Variants in EFCAB11 observed in about 807,000 individuals in gnomAD.
The protein encoded by EFCAB11 is EF-hand calcium binding domain 11.
A neutral mutation model predicts 23.0 loss-of-function variants in EFCAB11; 14 were observed. That is an observed-to-expected ratio of 0.61 (90% CI 0.40 to 0.95). The LOEUF (loss-of-function observed/expected upper bound fraction) is 0.95, where lower values mean the gene tolerates loss of function less well. Among genes scored for constraint, EFCAB11 ranks in the 40% least tolerant of loss-of-function variants. The probability of loss-of-function intolerance (pLI) is 0.00; values close to 1 mark genes in which losing one functional copy is unlikely to be tolerated. For synonymous variants in EFCAB11, 65 were observed against 66.6 expected, an observed-to-expected ratio of 0.98 and a Z score of 0.11; for missense variants, 198 against 195.8, an observed-to-expected ratio of 1.01 and a Z score of -0.07.
chr14:89,928,268 A>G (rs970686949), intron 5 of EFCAB11, among the ~76,000 whole-genome samples: 9 of 152,222 alleles, frequency 5.9e-5, no homozygotes, highest in African/African-American at 2.2e-4. Flanking sequence ...GTACATGGTT[A>G]AAGTATAGAA....
chr14:89,824,120 A>C (rs1483225184), intron 5 of EFCAB11, among the ~76,000 whole-genome samples: 1 of 152,184 alleles, frequency 6.6e-6, no homozygotes, highest in Non-Finnish European at 1.5e-5. Flanking sequence ...ACACTATAAA[A>C]AACAACACCA....
intron 5 of EFCAB11, among the ~76,000 whole-genome samples, chr14:89,903,954 A>G (rs7146836): frequency 0.057 from 8,683 of 152,110 alleles, 443 homozygotes; most frequent in African/African-American, 0.13. Context: ...GTTCCTCTAG[A>G]GAACCCTAAC....
At chr14:89,814,323 T>C (rs1443402095) in intron 5 of EFCAB11, among the ~76,000 whole-genome samples, 1 of 152,142 alleles carries the variant, frequency 6.6e-6, no homozygotes, top group African/African-American at 2.4e-5. Flanking sequence ...GACAAAGGGC[T>C]CTACTGACCT....
At chr14:89,824,699 A>G (rs557464750) in intron 5 of EFCAB11, among the ~76,000 whole-genome samples, 1 of 152,294 alleles carries the variant, frequency 6.6e-6, no homozygotes, top group East Asian at 1.9e-4. Flanking sequence ...AATGATAATC[A>G]CAGCAAAGAA....
chr14:89,888,864 G>C (rs1316736964), intron 5 of EFCAB11, among the ~76,000 whole-genome samples: 2 of 152,184 alleles, frequency 1.3e-5, no homozygotes, highest in African/African-American at 4.8e-5. Context: ...AGCCCAAATG[G>C]ACTAAGACAG....
At chr14:89,920,484 T>C (rs532660973) in intron 5 of EFCAB11, among the ~76,000 whole-genome samples, 7 of 152,300 alleles carry the variant, frequency 4.6e-5, no homozygotes, top group South Asian at 2.1e-4. Context: ...AAAGGCAGCC[T>C]CCTTCGGTTT....
intron 5 of EFCAB11, among the ~76,000 whole-genome samples, chr14:89,885,461 G>A (rs1888724494): frequency 6.6e-6 from 1 of 152,034 alleles, no homozygotes; most frequent in Admixed American, 6.6e-5. Flanking sequence ...GGTGGATTAC[G>A]AGATCAGGAG....
At chr14:89,835,632 G>GTGTGTA (rs1430684716) in intron 5 of EFCAB11, among the ~76,000 whole-genome samples, 2 of 148,756 alleles carry the variant, frequency 1.3e-5, no homozygotes, top group African/African-American at 5.0e-5. Flanking sequence ...GTGTGTGTGT[G>GTGTGTA]TGTGTGTGTG....
chr14:89,892,421 C>A, intron 5 of EFCAB11: 1 of 1,574,772 alleles, frequency 6.4e-7, no homozygotes, highest in South Asian at 1.2e-5. Context: ...CAGGAAGCAG[C>A]ACCCAGGCCC....
At chr14:89,906,112 A>C (rs180726700) in intron 5 of EFCAB11, among the ~76,000 whole-genome samples, 166 of 152,046 alleles carry the variant, frequency 1.1e-3, no homozygotes, top group Non-Finnish European at 1.8e-3. Context: ...TGTACATCTC[A>C]TAAGGTTATC....
chr14:89,864,469 G>A (rs185610719), intron 5 of EFCAB11, among the ~76,000 whole-genome samples: 91 of 151,886 alleles, frequency 6.0e-4, no homozygotes, highest in Admixed American at 5.9e-3. Flanking sequence ...CTGTTACACA[G>A]GCTGGAGTAC....
At chr14:89,893,205 G>A (rs890324164) in intron 5 of EFCAB11, among the ~76,000 whole-genome samples, 31 of 152,198 alleles carry the variant, frequency 2.0e-4, no homozygotes, top group African/African-American at 5.5e-4. Flanking sequence ...CATGAGCAAA[G>A]GCAGGTGCGG....
chr14:89,838,881 G>T (rs1410782085), intron 5 of EFCAB11, among the ~76,000 whole-genome samples: 2 of 152,136 alleles, frequency 1.3e-5, no homozygotes, highest in Non-Finnish European at 2.9e-5. Flanking sequence ...AATGATCCAG[G>T]GTATAGCTAA....
intron 5 of EFCAB11, among the ~76,000 whole-genome samples, chr14:89,882,986 C>T (rs558498655): frequency 1.3e-5 from 2 of 152,100 alleles, no homozygotes; most frequent in South Asian, 2.1e-4. Context: ...AAGAGCCGGG[C>T]GCCTCCCCAC....
Position 89,796,758 on chromosome 14 carries a change from A to G in EFCAB11, c.*485T>C, listed in dbSNP as rs1278587221. ...TGGCAGGAAAAGTCTGCCCCTCTGC[A>G]GATATTAGGAGATGATGAGATTCAG... is the stretch of plus-strand genomic sequence containing the variant. On this transcript the variant is annotated 3_prime_UTR_variant, in exon 6 of 6. Transcript: ENST00000316738. 1 of 152,946 alleles carries G rather than the reference A, an allele frequency of 6.5e-6. No individual in the cohort carries two copies. Among genetic ancestry groups the G allele is most frequent in the African/African-American group, 2.4e-5 (1 of 41,454 alleles). The allele number at this position is 152,946 out of a possible 1,614,324, so 9.5% of individuals were successfully genotyped here. A position where few individuals can be genotyped will look rare whatever the true frequency, so the allele number is the denominator to read the frequency against.
In EFCAB11 at chr14:89,818,005, A is replaced by G. The variant is rs543709550; in HGVS notation, c.411-20681T>C. Among the ~76,000 whole-genome samples, 3 of 152,158 alleles carry G rather than the reference A, an allele frequency of 2.0e-5. No homozygotes were observed. In the East Asian group the frequency reaches 5.8e-4, roughly 29 times the overall value. ...TGAGACTCTGTCTCAAAATAAATAAATAAATAAATAAATAAAAATAAAAAA... is the reference window on the plus strand; with the variant it reads ...TGAGACTCTGTCTCAAAATAAATAAGTAAATAAATAAATAAAAATAAAAAA... On this transcript the variant is annotated intron_variant, in intron 5 of 5. Transcript: ENST00000316738.
At chr14:89,906,991 TAGAA>T (rs1469582458) in intron 5 of EFCAB11, among the ~76,000 whole-genome samples, 1 of 152,174 alleles carries the variant, frequency 6.6e-6, no homozygotes, top group African/African-American at 2.4e-5. Flanking sequence ...ACAAAAGGTT[TAGAA>T]AGAGAGAATC....
At chr14:89,908,959 G>T (rs1254735534) in intron 5 of EFCAB11, among the ~76,000 whole-genome samples, 5 of 152,148 alleles carry the variant, frequency 3.3e-5, no homozygotes, top group Admixed American at 1.3e-4. Context: ...AAGATAGTAG[G>T]CAAAACAACA....
intron 5 of EFCAB11, chr14:89,924,005 C>T: frequency 1.0e-6 from 1 of 982,686 alleles, no homozygotes; most frequent in Non-Finnish European, 1.2e-6. Flanking sequence ...ATTTGTTTTA[C>T]CCAAGCTGGT....
Sources: gnomAD v4.1 joint callset for allele counts (sites outside exome capture counted in the v4.1 genomes callset) on GRCh38, gnomAD v4.1.1 for gene constraint, MANE v1.5 for transcripts, NCBI Gene and HGNC (gene_info 2026-07-23, HGNC 2026-07-21) for gene names.